Variants in DOCK2 observed in about 807,000 individuals in gnomAD.
DOCK2 encodes the protein dedicator of cytokinesis 2.
Under a neutral mutation model 248.9 loss-of-function variants are expected in DOCK2, and 87 were observed. The ratio of observed to expected loss-of-function variants is 0.35; its 90% CI spans 0.29 to 0.42. The LOEUF is 0.42. Ranked by LOEUF, DOCK2 falls within the 10% of genes least tolerant of loss-of-function variation. DOCK2 has a pLI of 1.00. For synonymous variants in DOCK2, 805 were observed against 821.6 expected (o/e 0.98, Z 0.35); for missense variants, 1,747 against 2,300.2 (o/e 0.76, Z 4.92).
At chr5:169,726,192 C>A (rs914554760) in intron 22 of DOCK2, among the ~76,000 whole-genome samples, 7 of 152,008 alleles carry the variant, frequency 4.6e-5, no homozygotes, top group Non-Finnish European at 7.4e-5. Context: ...TTTTAATGAT[C>A]GCCATTCTAA....
chr5:169,666,887 C>T (rs1758765231), intron 2 of DOCK2, among the ~76,000 whole-genome samples: 1 of 152,206 alleles, frequency 6.6e-6, no homozygotes, highest in African/African-American at 2.4e-5. Flanking sequence ...GTGCAATATA[C>T]ATAGTTGGTG....
At chr5:169,997,441 G>T (rs1393878968) in intron 30 of DOCK2, among the ~76,000 whole-genome samples, 1 of 146,436 alleles carries the variant, frequency 6.8e-6, no homozygotes, top group Non-Finnish European at 1.5e-5. Flanking sequence ...TCGGGCTGGG[G>T]GACGGTCAGG....
chr5:169,698,270 A>C, intron 10 of DOCK2, 104 bp from the exon 11 acceptor site: 1 of 1,159,616 alleles, frequency 8.6e-7, no homozygotes, highest in East Asian at 2.6e-5. Context: ...CCTGACCCCC[A>C]GGCATCCCAG....
At chr5:169,776,007 G>A (rs1209408616) in intron 25 of DOCK2, among the ~76,000 whole-genome samples, 1 of 151,588 alleles carries the variant, frequency 6.6e-6, no homozygotes, top group East Asian at 1.9e-4. Context: ...ATGTAAGTTA[G>A]GATTATCAAA....
At chr5:169,789,765 G>T (rs1199278972) in intron 25 of DOCK2, among the ~76,000 whole-genome samples, 1 of 152,204 alleles carries the variant, frequency 6.6e-6, no homozygotes, top group African/African-American at 2.4e-5. Flanking sequence ...GCAGGCAAGA[G>T]CCCCTGCCTC....
At chr5:169,706,526 G>A (rs995794289) in intron 14 of DOCK2, among the ~76,000 whole-genome samples, 3 of 152,184 alleles carry the variant, frequency 2.0e-5, no homozygotes, top group Admixed American at 1.3e-4. Context: ...TGAATTAAGC[G>A]AGGTGGTGTG....
intron 14 of DOCK2, among the ~76,000 whole-genome samples, chr5:169,706,508 A>G (rs1761275988): frequency 6.6e-6 from 1 of 152,224 alleles, no homozygotes; most frequent in South Asian, 2.1e-4. Context: ...AGAGGTGGCT[A>G]TGAGGACTGA....
In DOCK2 at chr5:169,903,311, TAA is replaced by T. The variant is rs142632030; in HGVS notation, c.2799+62476_2799+62477del. ...CTCTAAAAAACAACAACAACAACAA[TAA>T]AAAAAAAAAAAAAAAAGGAAAAGGA... On this transcript the variant is annotated intron_variant, in intron 27 of 51. Transcript: ENST00000520908. Among the ~76,000 whole-genome samples, 498 of 111,024 alleles carry T rather than the reference TAA, an allele frequency of 4.5e-3. 4 individuals are homozygous for T. The South Asian group carries it at 0.046, about 10-fold the overall frequency. 72.8% of individuals were successfully genotyped at this position (111,024 alleles called of 152,430 possible).
chr5:170,079,199 C>G (rs1757941672), intron 49 of DOCK2, 53 bp downstream of exon 49: 1 of 1,573,908 alleles, frequency 6.4e-7, no homozygotes, highest in Admixed American at 1.8e-5. Flanking sequence ...ATTTCCACTA[C>G]ATGCTGGGCA....
intron 27 of DOCK2, among the ~76,000 whole-genome samples, chr5:169,941,134 G>A (rs1050321201): frequency 1.3e-5 from 2 of 152,170 alleles, no homozygotes. Context: ...AAAGCACAGG[G>A]TGTCGGGAGA....
chr5:169,988,834 A>T (rs1224863582), intron 29 of DOCK2, among the ~76,000 whole-genome samples: 1 of 152,200 alleles, frequency 6.6e-6, no homozygotes, highest in African/African-American at 2.4e-5. Flanking sequence ...CTCCAAGGTC[A>T]TGCCACTAGT....
intron 27 of DOCK2, among the ~76,000 whole-genome samples, chr5:169,862,493 C>T (rs566617593): frequency 2.6e-5 from 4 of 151,004 alleles, no homozygotes; most frequent in East Asian, 1.9e-4. Context: ...GACAGTTGAT[C>T]GTATGGATAC....
intron 29 of DOCK2, among the ~76,000 whole-genome samples, chr5:169,987,175 A>G (rs1778088718): frequency 6.6e-6 from 1 of 152,138 alleles, no homozygotes. Flanking sequence ...TGGGCTCTAG[A>G]AGTTGCAGAT....
At chr5:169,757,130 G>A (rs1339220078) in intron 23 of DOCK2, among the ~76,000 whole-genome samples, 1 of 152,074 alleles carries the variant, frequency 6.6e-6, no homozygotes, top group African/African-American at 2.4e-5. Flanking sequence ...AGTCTTTAGG[G>A]AGAGAATGGA....
At chr5:169,830,773 C>A (rs1769173954) in intron 26 of DOCK2, among the ~76,000 whole-genome samples, 3 of 152,140 alleles carry the variant, frequency 2.0e-5, no homozygotes, top group Non-Finnish European at 4.4e-5. Context: ...GAATGTTAGC[C>A]CATGTTACTT....
chr5:169,837,932 G>C (rs561662073), intron 26 of DOCK2, among the ~76,000 whole-genome samples: 76 of 152,154 alleles, frequency 5.0e-4, no homozygotes, highest in Non-Finnish European at 5.3e-4. Context: ...AGAAGCAAGG[G>C]GCAGGAGGTC....
intron 29 of DOCK2, among the ~76,000 whole-genome samples, chr5:169,991,689 G>T (rs987676347): frequency 1.3e-5 from 2 of 152,216 alleles, no homozygotes; most frequent in Non-Finnish European, 2.9e-5. Flanking sequence ...GAAGGGCTGC[G>T]TGCATGGCAG....
chr5:170,026,203 T>G (rs1755908680), intron 33 of DOCK2, among the ~76,000 whole-genome samples: 1 of 152,146 alleles, frequency 6.6e-6, no homozygotes, highest in Non-Finnish European at 1.5e-5. Context: ...GTCCCTGCCT[T>G]TTCATCACCT....
chr5:169,829,046 G>T (rs1769057152), intron 26 of DOCK2, among the ~76,000 whole-genome samples: 1 of 152,120 alleles, frequency 6.6e-6, no homozygotes, highest in Non-Finnish European at 1.5e-5. Context: ...CTCATTCAGG[G>T]CTGATGATGA....
Sources: allele counts gnomAD v4.1 joint callset (sites outside exome capture counted in the v4.1 genomes callset), GRCh38; gene constraint gnomAD v4.1.1; transcripts MANE v1.5; gene names NCBI Gene and HGNC (gene_info 2026-07-23, HGNC 2026-07-21).